The following PCBP3 variants were observed in gnomAD, a reference collection of about 807,000 sequenced individuals.
The protein encoded by PCBP3 is poly(rC)-binding protein 3.
A neutral mutation model predicts 52.7 loss-of-function variants in PCBP3; 25 were observed. That is an observed-to-expected ratio of 0.47 (90% CI 0.35 to 0.66). The LOEUF is 0.66. Among genes scored for constraint, PCBP3 ranks in the 30% least tolerant of loss-of-function variants. PCBP3 has a pLI of 0.01. For synonymous variants in PCBP3, 162 were observed against 183.0 expected (o/e 0.89, Z 0.93); for missense variants, 391 against 490.3 (o/e 0.80, Z 1.91).
chr21:45,851,706 A>G (rs538634193), intron 5 of PCBP3, among the ~76,000 whole-genome samples: 13 of 152,374 alleles, frequency 8.5e-5, no homozygotes, highest in Admixed American at 4.6e-4. Context: ...ACCATATGCT[A>G]ACACATTTGA....
chr21:45,845,437 G>A (rs576239343), intron 4 of PCBP3, among the ~76,000 whole-genome samples: 1 of 151,478 alleles, frequency 6.6e-6, no homozygotes, highest in Non-Finnish European at 1.5e-5. Flanking sequence ...TTAAGCACCT[G>A]TGTCCACACG....
chr21:45,733,277 A>C (rs1330950696), intron 2 of PCBP3, among the ~76,000 whole-genome samples: 2 of 151,984 alleles, frequency 1.3e-5, no homozygotes, highest in African/African-American at 2.4e-5. Flanking sequence ...TTTATGATAG[A>C]TGTTTTATTT....
chr21:45,914,352 T>G (rs2096464332), intron 12 of PCBP3: 1 of 511,524 alleles, frequency 2.0e-6, no homozygotes, highest in South Asian at 3.1e-5. Context: ...GCTTTCTAGG[T>G]GATTTTACGT....
chr21:45,924,802 GGT>G (rs2075124190), intron 13 of PCBP3, among the ~76,000 whole-genome samples: 1 of 50,318 alleles, frequency 2.0e-5, no homozygotes, highest in Non-Finnish European at 3.8e-5. Flanking sequence ...CGTAAGATCG[GGT>G]GTGCGTGAGG....
chr21:45,891,538 A>T (rs998057633), intron 5 of PCBP3, among the ~76,000 whole-genome samples: 1 of 152,224 alleles, frequency 6.6e-6, no homozygotes, highest in Non-Finnish European at 1.5e-5. Flanking sequence ...CCAGGAGTCT[A>T]TAGTGACCGC....
chr21:45,706,435 C>T lies in PCBP3; in HGVS notation c.-199-28957C>T, dbSNP rs2148059197. On this transcript the variant is annotated intron_variant, in intron 2 of 17. Coordinates refer to ENST00000681687, the MANE Select transcript of PCBP3 (RefSeq NM_001384156.1). ...ACTATTGCTGCTAGTGCAGGCTTCT[C>T]CTTTCCCTCCCTCTGCTCTCTCCCT... Among the ~76,000 whole-genome samples, 4 of 152,170 alleles carry T rather than the reference C, an allele frequency of 2.6e-5. 1 individual carries two copies. In the South Asian group the frequency reaches 8.3e-4, roughly 32 times the overall value.
At position 45,724,708 on chromosome 21, in the gene PCBP3, C is replaced by T. The variant is rs558616044; in HGVS notation, c.-199-10684C>T. On this transcript the variant is annotated intron_variant, in intron 2 of 17. Coordinates refer to ENST00000681687, the MANE Select transcript of PCBP3 (RefSeq NM_001384156.1). This position sits in a 1 kb window ranked among gnomAD's most constrained non-coding sequence, Gnocchi z 5.3. ...GCCTCGGTGGGATCTGAAAGAGAAC[C>T]CGCCCCCCTCAGCTGGAGTGGCACT... Among the ~76,000 whole-genome samples, 15 of 151,630 alleles carry T rather than the reference C, an allele frequency of 9.9e-5. No homozygotes were observed. Among genetic ancestry groups the T allele is most frequent in the Middle Eastern group, 3.4e-3 (1 of 294 alleles).
At chr21:45,831,408 CAAAA>C (rs59400163) in intron 4 of PCBP3, among the ~76,000 whole-genome samples, 1 of 86,592 alleles carries the variant, frequency 1.2e-5, no homozygotes, top group African/African-American at 4.2e-5. Context: ...GATGCTGTCT[CAAAA>C]AAAAAAAAAA....
intron 4 of PCBP3, among the ~76,000 whole-genome samples, chr21:45,819,689 G>T (rs910914915): frequency 5.9e-5 from 9 of 152,204 alleles, no homozygotes; most frequent in African/African-American, 2.2e-4. Context: ...AGGCTCCTGG[G>T]GACTGTACTT....
chr21:45,683,262 G>C (rs914388237), intron 2 of PCBP3, among the ~76,000 whole-genome samples: 1 of 152,114 alleles, frequency 6.6e-6, no homozygotes, highest in Non-Finnish European at 1.5e-5. Context: ...GGAGTAATAG[G>C]GCAAAATCCA....
At chr21:45,676,768 T>C (rs2081495435) in intron 2 of PCBP3, among the ~76,000 whole-genome samples, 1 of 152,052 alleles carries the variant, frequency 6.6e-6, no homozygotes, top group Non-Finnish European at 1.5e-5. Context: ...TCTCATTTTA[T>C]TTATTTTTTA....
intron 9 of PCBP3, among the ~76,000 whole-genome samples, chr21:45,908,984 C>A (rs913895661): frequency 4.6e-5 from 7 of 152,260 alleles, no homozygotes; most frequent in South Asian, 2.1e-4. Flanking sequence ...GGGCATCAGA[C>A]CCAGCCCCCA....
chr21:45,669,823 A>G (rs1210358685), intron 2 of PCBP3, among the ~76,000 whole-genome samples: 13 of 126,840 alleles, frequency 1.0e-4, no homozygotes, highest in African/African-American at 1.4e-4. Flanking sequence ...ATATATATAT[A>G]TATATATATA....
rs1204786352 is a variant in PCBP3, at chr21:45,941,859, C to A, written c.*153C>A. On this transcript the variant is annotated 3_prime_UTR_variant, in exon 18 of 18. Transcript: ENST00000681687. ...AGGACGTATGCCATGGAGAAACACACCCGCGCACACAGCTGCTCTCTACAG... is the reference window on the plus strand; with the variant it reads ...AGGACGTATGCCATGGAGAAACACAACCGCGCACACAGCTGCTCTCTACAG... 8 of 544,660 alleles carry A rather than the reference C, an allele frequency of 1.5e-5. No individual in the cohort carries two copies. The East Asian group carries it at 2.3e-4, about 16-fold the overall frequency. 33.7% of individuals were successfully genotyped at this position (544,660 alleles called of 1,614,324 possible). A position where few individuals can be genotyped will look rare whatever the true frequency, so the allele number is the denominator to read the frequency against.
chr21:45,757,894 T>C (rs2146492016), intron 4 of PCBP3, among the ~76,000 whole-genome samples: 1 of 151,842 alleles, frequency 6.6e-6, no homozygotes. Flanking sequence ...TATATTCTTT[T>C]TTTTTTTTTT....
intron 4 of PCBP3, among the ~76,000 whole-genome samples, chr21:45,843,204 GC>G (rs1365163932): frequency 1.4e-5 from 2 of 145,718 alleles, no homozygotes; most frequent in Non-Finnish European, 2.9e-5. Context: ...TGTTGGCTGT[GC>G]TCAGCAGGAA....
At chr21:45,756,659 A>T (rs973816608) in intron 4 of PCBP3, among the ~76,000 whole-genome samples, 3 of 152,184 alleles carry the variant, frequency 2.0e-5, no homozygotes, top group African/African-American at 7.2e-5. Flanking sequence ...ACCACCCGTA[A>T]AACAACCCCA....
chr21:45,787,020 T>C (rs1302093392), intron 4 of PCBP3, among the ~76,000 whole-genome samples: 4 of 152,238 alleles, frequency 2.6e-5, no homozygotes, highest in African/African-American at 9.7e-5. Context: ...CCTTCCCAAC[T>C]GCTTCCCTCT....
intron 13 of PCBP3, among the ~76,000 whole-genome samples, chr21:45,927,164 A>G (rs1307684127): frequency 6.7e-6 from 1 of 149,634 alleles, no homozygotes; most frequent in Non-Finnish European, 1.5e-5. Context: ...AAATGCTTGT[A>G]ATTTTAGTAG....
Sources: gnomAD v4.1 joint callset for allele counts (sites outside exome capture counted in the v4.1 genomes callset) on GRCh38, gnomAD v4.1.1 for gene constraint, Gnocchi (gnomAD v3.1) non-coding constraint, MANE v1.5 for transcripts, NCBI Gene and HGNC (gene_info 2026-07-23, HGNC 2026-07-21) for gene names.